CLTB: variants seen among roughly 807,000 people sequenced by gnomAD.
CLTB encodes the protein clathrin light chain B, also known as clathrin, light chain (Lcb).
Under a neutral mutation model 30.5 loss-of-function variants are expected in CLTB, and 10 were observed. That is an observed-to-expected ratio of 0.33 (90% CI 0.20 to 0.56). CLTB has a LOEUF of 0.56. Among genes scored for constraint, CLTB ranks in the 20% least tolerant of loss-of-function variants. CLTB has a pLI of 0.91. For missense variants in CLTB, 261 were observed against 308.3 expected, an observed-to-expected ratio of 0.85 and a Z score of 1.15; for synonymous variants, 102 against 120.3, an observed-to-expected ratio of 0.85 and a Z score of 1.00.
chr5:176,409,404 C>A (rs1391873311), intron 2 of CLTB, among the ~76,000 whole-genome samples: 1 of 136,240 alleles, frequency 7.3e-6, no homozygotes, highest in Non-Finnish European at 1.5e-5. Flanking sequence ...GATCTGATTG[C>A]CCTTTTTTTT....
chr5:176,395,583 A>G (rs1192028626), intron 5 of CLTB, among the ~76,000 whole-genome samples: 1 of 151,806 alleles, frequency 6.6e-6, no homozygotes, highest in Non-Finnish European at 1.5e-5. Flanking sequence ...CCCCACCACC[A>G]CCCTCCAGGA....
chr5:176,412,186 A>G (rs1757477653), intron 1 of CLTB, among the ~76,000 whole-genome samples: 1 of 151,814 alleles, frequency 6.6e-6, no homozygotes, highest in Admixed American at 6.6e-5. Flanking sequence ...AAAAAAAAAA[A>G]AAAAAAAGAA....
At chr5:176,400,744 C>A (rs1251241937) in intron 2 of CLTB, among the ~76,000 whole-genome samples, 1 of 152,186 alleles carries the variant, frequency 6.6e-6, no homozygotes. Flanking sequence ...CATGACTGCC[C>A]GCGTTGTTTG....
At chr5:176,404,702 G>C (rs1757017010) in intron 2 of CLTB, among the ~76,000 whole-genome samples, 1 of 152,200 alleles carries the variant, frequency 6.6e-6, no homozygotes, top group African/African-American at 2.4e-5. Flanking sequence ...CACTCTAGTG[G>C]GGGCTATGCA....
intron 2 of CLTB, among the ~76,000 whole-genome samples, chr5:176,409,190 G>T (rs1452477059): frequency 6.6e-6 from 1 of 151,008 alleles, no homozygotes. Context: ...TAGCCAGGAT[G>T]GTCTCAATCT....
At chr5:176,406,485 C>T in intron 2 of CLTB, 1 of 1,199,724 alleles carries the variant, frequency 8.3e-7, no homozygotes, top group East Asian at 6.4e-5. Flanking sequence ...TAAATCTAAG[C>T]TAAGCTGAGC....
At chr5:176,408,581 T>C (rs1451605758) in intron 2 of CLTB, among the ~76,000 whole-genome samples, 1 of 150,688 alleles carries the variant, frequency 6.6e-6, no homozygotes, top group Non-Finnish European at 1.5e-5. Context: ...AGTGTAGTAG[T>C]GTAATCATAG....
intron 5 of CLTB, among the ~76,000 whole-genome samples, chr5:176,394,622 G>A (rs1025795388): frequency 6.6e-6 from 1 of 151,212 alleles, no homozygotes; most frequent in East Asian, 2.0e-4. Context: ...AGAGCATCCT[G>A]GCTAACACGG....
rs1250934526 is a variant in CLTB at position 176,398,000 on chromosome 5, G to C, written c.282C>G (p.Asp94Glu). ...ADGYAAIAQADRLTQEPESIR... is the reference protein window; with the variant it reads ...ADGYAAIAQAERLTQEPESIR... ...TGCTCTCAGGCTCCTGGGTCAGCCT[G>C]TCAGCCTGGGCAATGGCTGCGTAGC... Residue 94 changes from aspartate (D) to glutamate (E), a missense_variant, in exon 3 of 6, where the codon GAC becomes GAG. Asp to Glu is a conservative substitution (Grantham distance 45, BLOSUM62 2). Transcript: ENST00000310418. 1 of 1,614,028 alleles carries C rather than the reference G, an allele frequency of 6.2e-7. No individual in the cohort carries two copies. Among genetic ancestry groups the C allele is most frequent in the Non-Finnish European group, 8.5e-7 (1 of 1,180,052 alleles).
downstream of CLTB, chr5:176,392,488 A>G (rs2113614402): frequency 8.1e-6 from 3 of 368,580 alleles, no homozygotes; most frequent in Admixed American, 1.2e-4. The surrounding 1 kb of genome is among the most constrained non-coding windows in gnomAD (Gnocchi z 5.2). Flanking sequence ...ATAATAAATA[A>G]GTGTAAAAAG....
chr5:176,415,687 T>A (rs1176716557), intron 1 of CLTB, among the ~76,000 whole-genome samples: 1 of 152,206 alleles, frequency 6.6e-6, no homozygotes, highest in Non-Finnish European at 1.5e-5. Context: ...CCAAGGCGCT[T>A]AGCCCAGCGA....
At chr5:176,403,217 T>C (rs1471887196) in intron 2 of CLTB, among the ~76,000 whole-genome samples, 1 of 151,918 alleles carries the variant, frequency 6.6e-6, no homozygotes, top group Non-Finnish European at 1.5e-5. Context: ...ACCTGGCTAC[T>C]TTTTTTATTT....
chr5:176,411,173 A>C (rs1265853443), intron 1 of CLTB, among the ~76,000 whole-genome samples: 3 of 152,236 alleles, frequency 2.0e-5, no homozygotes, highest in Non-Finnish European at 4.4e-5. Flanking sequence ...TGAATAAACA[A>C]GTAAATACAT....
chr5:176,397,620 T>C lies in CLTB; in HGVS notation c.451A>G (p.Lys151Glu). The change falls in exon 4 of 6, where the codon AAG becomes GAG. Residue 151 changes from lysine to glutamate, a missense_variant. Lys to Glu is a moderately conservative substitution (Grantham distance 56). Coordinates refer to ENST00000310418, the MANE Select transcript of CLTB (RefSeq NM_007097.5). ...CAGCCCTCTCACCGGTTGTTGATCT[T>C]GTTCTTCTCTACTTGTTCACTCTGG... ...QRQSEQVEKN[K>E]INNRIADKAF... The C allele has an allele frequency of 1.3e-6, 2 of 1,585,334 alleles. No homozygotes were observed. The highest frequency in any genetic ancestry group is 1.7e-6 in the Non-Finnish European group (2 of 1,163,142).
At chr5:176,412,195 A>T (rs1757478713) in intron 1 of CLTB, among the ~76,000 whole-genome samples, 1 of 148,288 alleles carries the variant, frequency 6.7e-6, no homozygotes, top group South Asian at 2.2e-4. Context: ...AAAAAAAAAG[A>T]ATGCTTTTTT....
intron 2 of CLTB, chr5:176,401,862 C>T (rs1389749368): frequency 4.5e-6 from 2 of 440,434 alleles, no homozygotes; most frequent in Non-Finnish European, 9.2e-6. Context: ...CAGGGCCTGT[C>T]ATCACAATCT....
intron 1 of CLTB, among the ~76,000 whole-genome samples, chr5:176,411,979 A>G (rs1034961266): frequency 6.6e-6 from 1 of 151,940 alleles, no homozygotes; most frequent in Non-Finnish European, 1.5e-5. Context: ...GATCGAGACC[A>G]TCCTGGCTAA....
intron 2 of CLTB, among the ~76,000 whole-genome samples, chr5:176,399,600 T>C (rs1026704158): frequency 1.3e-5 from 2 of 151,760 alleles, no homozygotes; most frequent in Non-Finnish European, 2.9e-5. Context: ...TTTTTTTAAT[T>C]ATGGAAAAAA....
At chr5:176,395,325 C>T (rs1756467072) in intron 5 of CLTB, among the ~76,000 whole-genome samples, 1 of 152,218 alleles carries the variant, frequency 6.6e-6, no homozygotes, top group Non-Finnish European at 1.5e-5. Context: ...CTGTGTCCTT[C>T]CACAAGGCCC....
Sources: gnomAD v4.1 joint callset for allele counts (sites outside exome capture counted in the v4.1 genomes callset) on GRCh38, gnomAD v4.1.1 for gene constraint, Gnocchi (gnomAD v3.1) non-coding constraint, MANE v1.5 for transcripts, NCBI Gene and HGNC (gene_info 2026-07-23, HGNC 2026-07-21) for gene names.